The following VCL variants were observed in gnomAD, a reference collection of about 807,000 sequenced individuals.
VCL encodes epididymis luminal protein 114.
VCL carries 47 observed loss-of-function variants against 125.7 expected under a neutral mutation model. That is an observed-to-expected ratio of 0.37 (90% CI 0.30 to 0.48). The LOEUF is 0.48. Ranked by LOEUF, VCL falls within the 20% of genes least tolerant of loss-of-function variation. VCL has a pLI of 0.99. For synonymous variants in VCL, 458 were observed against 514.6 expected, an observed-to-expected ratio of 0.89 and a Z score of 1.49; for missense variants, 1,069 against 1,455.5, an observed-to-expected ratio of 0.73 and a Z score of 4.32.
At chr10:74,007,799 A>T (rs1369060209) in intron 1 of VCL, among the ~76,000 whole-genome samples, 1 of 149,658 alleles carries the variant, frequency 6.7e-6, no homozygotes, top group Non-Finnish European at 1.5e-5. Flanking sequence ...CTCAGCCTAA[A>T]TTTTTTTTTC....
At chr10:74,004,849 C>T (rs927067381) in intron 1 of VCL, among the ~76,000 whole-genome samples, 1 of 151,980 alleles carries the variant, frequency 6.6e-6, no homozygotes, top group Non-Finnish European at 1.5e-5. Flanking sequence ...GGATTACAGG[C>T]ATGCACCACC....
intron 8 of VCL, among the ~76,000 whole-genome samples, chr10:74,084,614 CTTTTTTA>C (rs1257421257): frequency 6.8e-6 from 1 of 147,094 alleles, no homozygotes; most frequent in Non-Finnish European, 1.5e-5. Context: ...TTTTCTTTTT[CTTTTTTA>C]TTTTTTTGAG....
chr10:74,053,730 C>A (rs972707411), intron 2 of VCL, among the ~76,000 whole-genome samples: 23 of 152,066 alleles, frequency 1.5e-4, no homozygotes, highest in African/African-American at 5.3e-4. Context: ...CCTGCCTCAG[C>A]CTCCCAAGTG....
At position 74,063,124 on chromosome 10, in the gene VCL, CCT is replaced by C. The variant is rs1490171908; in HGVS notation, c.240-7544_240-7543del. ...GCCCAGGCTGGTCTTGAACTCCTGG[CCT>C]CAAGCAGTCCTCCTCTCATCCTCAG... On this transcript the variant is annotated intron_variant, in intron 2 of 21. Transcript: ENST00000211998. Among the ~76,000 whole-genome samples the C allele has an allele frequency of 3.3e-5, 5 of 152,290 alleles. No homozygotes were observed. The South Asian group carries it at 6.2e-4, about 19-fold the overall frequency.
At chr10:74,027,213 C>T (rs1398434589) in intron 1 of VCL, among the ~76,000 whole-genome samples, 2 of 152,006 alleles carry the variant, frequency 1.3e-5, no homozygotes, top group Non-Finnish European at 2.9e-5. Context: ...ACACATATTT[C>T]CTTTTAAAAA....
intron 1 of VCL, among the ~76,000 whole-genome samples, chr10:74,028,082 T>C (rs1840808135): frequency 6.6e-6 from 1 of 152,118 alleles, no homozygotes; most frequent in African/African-American, 2.4e-5. Flanking sequence ...TTTTTGTTTG[T>C]TTTTGTTTTT....
At position 74,062,043 on chromosome 10, in the gene VCL, G is replaced by A. The variant is rs147870967; in HGVS notation, c.240-8627G>A. The stretch of plus-strand genomic sequence containing the variant: ...CTCAAGAGTAGCTGGGGCTACAGGC[G>A]CACAACACCATGCCATTACATTTTT... On this transcript the variant is annotated intron_variant, in intron 2 of 21. Coordinates refer to ENST00000211998, the MANE Select transcript of VCL (RefSeq NM_014000.3). 6.8e-3 allele frequency among the ~76,000 whole-genome samples: 1,037 copies of A among 151,404 alleles called. 13 individuals are homozygous for A. Among genetic ancestry groups the A allele is most frequent in the African/African-American group, 0.024 (975 of 41,230 alleles).
chr10:74,101,796 T>C (rs1024340499), intron 14 of VCL, among the ~76,000 whole-genome samples: 4 of 151,388 alleles, frequency 2.6e-5, no homozygotes, highest in African/African-American at 7.3e-5. Flanking sequence ...GTTTTGAAAG[T>C]AGAAAAAATT....
At chr10:74,096,922 C>A (rs1839978088) in intron 12 of VCL, among the ~76,000 whole-genome samples, 1 of 152,204 alleles carries the variant, frequency 6.6e-6, no homozygotes, top group South Asian at 2.1e-4. Context: ...AGTATCATTT[C>A]ATGGAGGCCA....
intron 1 of VCL, among the ~76,000 whole-genome samples, chr10:74,020,934 G>T (rs1840652334): frequency 6.6e-6 from 1 of 151,226 alleles, no homozygotes; most frequent in Non-Finnish European, 1.5e-5. Flanking sequence ...TAAAATGGTG[G>T]CGGGATTGAA....
chr10:74,096,470 A>G (rs1185867334), intron 12 of VCL, among the ~76,000 whole-genome samples: 1 of 152,204 alleles, frequency 6.6e-6, no homozygotes, highest in Non-Finnish European at 1.5e-5. Context: ...TTATTAAAAT[A>G]AAAACATTTG....
intron 1 of VCL, among the ~76,000 whole-genome samples, chr10:74,040,914 G>A (rs1440935780): frequency 6.6e-6 from 1 of 152,158 alleles, no homozygotes. Flanking sequence ...GGAGTGCAGT[G>A]GTGTAAAACA....
chr10:74,014,515 A>C (rs890048278), intron 1 of VCL, among the ~76,000 whole-genome samples: 2 of 151,322 alleles, frequency 1.3e-5, no homozygotes, highest in African/African-American at 4.9e-5. Flanking sequence ...GATTACAGGC[A>C]TGAGCCACTA....
intron 10 of VCL, 133 bp from the exon 11 acceptor site, chr10:74,094,138 C>A: frequency 9.5e-7 from 1 of 1,051,912 alleles, no homozygotes; most frequent in Non-Finnish European, 1.4e-6. Flanking sequence ...AATAAATAAA[C>A]CACTCCTTTC....
intron 8 of VCL, among the ~76,000 whole-genome samples, chr10:74,083,972 G>A (rs1279515631): frequency 6.6e-6 from 1 of 151,130 alleles, no homozygotes; most frequent in African/African-American, 2.4e-5. Flanking sequence ...GGTTCAAGCA[G>A]TTCTCTGCCT....
chr10:74,023,352 G>A (rs1056177080), intron 1 of VCL, among the ~76,000 whole-genome samples: 3 of 152,220 alleles, frequency 2.0e-5, no homozygotes, highest in African/African-American at 7.2e-5. Flanking sequence ...TAAAGCCTCG[G>A]CATGTAGTAG....
chr10:74,038,507 A>T (rs1333288835), intron 1 of VCL, among the ~76,000 whole-genome samples: 1 of 152,226 alleles, frequency 6.6e-6, no homozygotes, highest in Non-Finnish European at 1.5e-5. Context: ...CGTTGTCCCT[A>T]ATCTAATTCT....
intron 2 of VCL, among the ~76,000 whole-genome samples, chr10:74,060,302 C>G (rs1038679321): frequency 6.6e-6 from 1 of 151,680 alleles, no homozygotes; most frequent in Non-Finnish European, 1.5e-5. Context: ...GAGACACTGT[C>G]TAGAAAAAAA....
chr10:74,007,729 C>G (rs190920884), intron 1 of VCL, among the ~76,000 whole-genome samples: 2 of 152,070 alleles, frequency 1.3e-5, no homozygotes, highest in African/African-American at 4.8e-5. Flanking sequence ...CTCCTGACCT[C>G]AAGTGATCCA....
Sources: allele counts gnomAD v4.1 joint callset (sites outside exome capture counted in the v4.1 genomes callset), GRCh38; gene constraint gnomAD v4.1.1; transcripts MANE v1.5; gene names NCBI Gene and HGNC (gene_info 2026-07-23, HGNC 2026-07-21).